STX8: variants seen among roughly 807,000 people sequenced by gnomAD.
STX8 encodes the protein syntaxin 8, also known as syntaxin-8.
STX8 carries 23 observed loss-of-function variants against 37.5 expected under a neutral mutation model. The observed-to-expected ratio is 0.61, with a 90% CI of 0.44 to 0.87. STX8 has a LOEUF of 0.87. STX8 is among the 40% of genes least tolerant of loss of function. The probability of loss-of-function intolerance (pLI) is 0.00; values close to 1 mark genes in which losing one functional copy is unlikely to be tolerated. For synonymous variants in STX8, 115 were observed against 99.1 expected (o/e 1.16, Z -0.95); for missense variants, 313 against 284.7 (o/e 1.10, Z -0.71).
chr17:9,530,518 CA>C (rs1597726799), intron 4 of STX8, among the ~76,000 whole-genome samples: 1 of 152,294 alleles, frequency 6.6e-6, no homozygotes, highest in East Asian at 1.9e-4. Flanking sequence ...TAATTTTAGC[CA>C]TTCTTGTAGT....
At chr17:9,456,479 T>C (rs971602750) in intron 6 of STX8, among the ~76,000 whole-genome samples, 17 of 152,326 alleles carry the variant, frequency 1.1e-4, no homozygotes, top group East Asian at 1.9e-4. Context: ...ACCACTTTCA[T>C]AGTTGTCAGC....
At position 9,505,044 on chromosome 17, in the gene STX8, T is replaced by A; in HGVS notation, c.442A>T (p.Ile148Phe). The part of the protein sequence containing the change: ...DEIRQQQQKI[I>F]QEQDAGLDAL... ...TCCTCAGGATATTTAGTACCTTGGA[T>A]AATTTTCTGCTGCTGTTGCCGGATT... Residue 148 changes from isoleucine to phenylalanine, a missense_variant, in exon 5 of 8, where the codon ATC (isoleucine) becomes TTC (phenylalanine). Transcript: ENST00000306357. 5.0e-6 allele frequency: 8 copies of A among 1,609,910 alleles called. No homozygotes were observed. Among genetic ancestry groups the A allele is most frequent in the Non-Finnish European group, 6.8e-6 (8 of 1,178,230 alleles).
chr17:9,452,644 T>C (rs1175370786), intron 6 of STX8: 5 of 151,986 alleles, frequency 3.3e-5, no homozygotes, highest in African/African-American at 1.2e-4. Flanking sequence ...CAGCTAGGGG[T>C]TCTCAGGTGT....
rs1232506712 is a variant in STX8, at chr17:9,269,143, C to T, written c.644-18498G>A. Among the ~76,000 whole-genome samples, 79 of 150,420 alleles carry T rather than the reference C, an allele frequency of 5.3e-4. 3 individuals are homozygous for T. The highest frequency in any genetic ancestry group is 5.2e-3 in the Admixed American group (78 of 15,078). On this transcript the variant is annotated intron_variant, in intron 7 of 7. Coordinates refer to ENST00000306357, the MANE Select transcript of STX8 (RefSeq NM_004853.3). The stretch of plus-strand genomic sequence containing the variant: ...CAGAGCTTGCAGTGAGCCGAGATTG[C>T]GCCACTGCACTCCAGCCTGGGCGAT...
chr17:9,382,788 GA>G (rs767233680), intron 6 of STX8, among the ~76,000 whole-genome samples: 1 of 152,196 alleles, frequency 6.6e-6, no homozygotes, highest in Non-Finnish European at 1.5e-5. Flanking sequence ...TGTCATATTT[GA>G]AAATTAAGGA....
At chr17:9,549,813 A>G (rs1241353966) in intron 3 of STX8, among the ~76,000 whole-genome samples, 1 of 152,186 alleles carries the variant, frequency 6.6e-6, no homozygotes, top group African/African-American at 2.4e-5. Context: ...GTAAGAGGTC[A>G]AAGGATCATC....
At chr17:9,342,463 G>C (rs1910394421) in intron 7 of STX8, among the ~76,000 whole-genome samples, 1 of 152,190 alleles carries the variant, frequency 6.6e-6, no homozygotes, top group Non-Finnish European at 1.5e-5. Context: ...CCCTAAGCGT[G>C]CAAGACATGC....
At chr17:9,446,696 G>A (rs887929262) in intron 6 of STX8, among the ~76,000 whole-genome samples, 12 of 152,332 alleles carry the variant, frequency 7.9e-5, no homozygotes, top group Non-Finnish European at 1.6e-4. Flanking sequence ...AGAGTTGCAT[G>A]TGCTTTTCAG....
intron 7 of STX8, among the ~76,000 whole-genome samples, chr17:9,267,892 G>C (rs1907286157): frequency 1.3e-5 from 2 of 151,820 alleles, no homozygotes; most frequent in Non-Finnish European, 1.5e-5. Flanking sequence ...TCAGGAGGCT[G>C]AGGCAGGAGA....
rs570898037 is a variant in STX8 at position 9,359,320 on chromosome 17, G to A, written c.643+19232C>T. Among the ~76,000 whole-genome samples, 4 of 152,104 alleles carry A rather than the reference G, an allele frequency of 2.6e-5. No homozygotes were observed. The South Asian group carries it at 8.3e-4, about 32-fold the overall frequency. Reference sequence around the variant, plus strand: ...TGAGCCTGACTTTGGGCGTTAATACGCAGGAAAAGAGGTATTACTCTCTGT... The same window carrying A: ...TGAGCCTGACTTTGGGCGTTAATACACAGGAAAAGAGGTATTACTCTCTGT... On this transcript the variant is annotated intron_variant, in intron 7 of 7. Transcript: ENST00000306357.
intron 6 of STX8, among the ~76,000 whole-genome samples, chr17:9,409,519 C>G (rs753338758): frequency 5.9e-5 from 9 of 152,104 alleles, no homozygotes; most frequent in Non-Finnish European, 1.2e-4. Context: ...TTTAGTTGTA[C>G]TTAATTGAAT....
chr17:9,326,448 T>A (rs188550512), intron 7 of STX8, among the ~76,000 whole-genome samples: 97 of 152,288 alleles, frequency 6.4e-4, no homozygotes, highest in African/African-American at 2.3e-3. Context: ...AGCCTGTTCA[T>A]CTAGTCTTCT....
intron 6 of STX8, chr17:9,461,448 T>G (rs1334429604): frequency 1.3e-5 from 2 of 152,130 alleles, no homozygotes; most frequent in African/African-American, 4.8e-5. Flanking sequence ...TTCCTTTGGG[T>G]GCTAGAGATA....
intron 6 of STX8, among the ~76,000 whole-genome samples, chr17:9,388,856 T>A (rs1912110513): frequency 6.6e-6 from 1 of 150,976 alleles, no homozygotes; most frequent in South Asian, 2.1e-4. Flanking sequence ...AATTGCAATA[T>A]ATAAGCCTCC....
chr17:9,574,269 C>T (rs1216811564), intron 1 of STX8, among the ~76,000 whole-genome samples: 2 of 143,822 alleles, frequency 1.4e-5, no homozygotes, highest in Non-Finnish European at 3.0e-5. Context: ...AGCAAGACTC[C>T]GTCTCAAAAA....
At chr17:9,538,194 C>T (rs1309181212) in intron 4 of STX8, among the ~76,000 whole-genome samples, 1 of 152,200 alleles carries the variant, frequency 6.6e-6, no homozygotes, top group Non-Finnish European at 1.5e-5. Flanking sequence ...GTACTGATTT[C>T]AGCACACCCT....
chr17:9,410,796 T>C (rs1314897191), intron 6 of STX8, among the ~76,000 whole-genome samples: 1 of 152,220 alleles, frequency 6.6e-6, no homozygotes, highest in Non-Finnish European at 1.5e-5. Context: ...ATTACATTTT[T>C]TTCCTAAAAT....
At chr17:9,485,324 C>G (rs1344864655) in intron 6 of STX8, among the ~76,000 whole-genome samples, 1 of 152,130 alleles carries the variant, frequency 6.6e-6, no homozygotes, top group African/African-American at 2.4e-5. Flanking sequence ...CAGGACTCAC[C>G]TCATGAGGAA....
At chr17:9,435,958 G>C (rs1904415019) in intron 6 of STX8, among the ~76,000 whole-genome samples, 1 of 152,110 alleles carries the variant, frequency 6.6e-6, no homozygotes, top group Non-Finnish European at 1.5e-5. Context: ...TGCAGGGAAG[G>C]AATCCGTTAC....
Sources: allele counts gnomAD v4.1 joint callset (sites outside exome capture counted in the v4.1 genomes callset), GRCh38; gene constraint gnomAD v4.1.1; transcripts MANE v1.5; gene names NCBI Gene and HGNC (gene_info 2026-07-23, HGNC 2026-07-21).